Variants in GLI3 observed in about 807,000 individuals in gnomAD.
GLI3 encodes GLI family zinc finger 3.
A neutral mutation model predicts 100.8 loss-of-function variants in GLI3; 20 were observed. The observed-to-expected ratio is 0.20, with a 90% CI of 0.14 to 0.29. The LOEUF (loss-of-function observed/expected upper bound fraction) is 0.29. Among genes scored for constraint, GLI3 ranks in the 10% least tolerant of loss-of-function variants. GLI3 has a pLI of 1.00. For missense variants in GLI3, 2,040 were observed against 2,128.5 expected, an observed-to-expected ratio of 0.96 and a Z score of 0.82; for synonymous variants, 938 against 860.5, an observed-to-expected ratio of 1.09 and a Z score of -1.58.
intron 3 of GLI3, among the ~76,000 whole-genome samples, chr7:42,088,380 A>T (rs996209601): frequency 2.0e-5 from 3 of 151,856 alleles, no homozygotes; most frequent in Non-Finnish European, 2.9e-5. Context: ...AGTTCCCACT[A>T]GTGGCTTCCT....
chr7:42,192,423 C>T (rs1014964572), intron 2 of GLI3, among the ~76,000 whole-genome samples: 2 of 151,854 alleles, frequency 1.3e-5, no homozygotes, highest in Non-Finnish European at 2.9e-5. Flanking sequence ...AAATAAAATA[C>T]GTAAGAACCA....
chr7:42,181,443 A>G (rs948669321), intron 2 of GLI3, among the ~76,000 whole-genome samples: 1 of 151,986 alleles, frequency 6.6e-6, no homozygotes, highest in African/African-American at 2.4e-5. Context: ...TCTATAAAAA[A>G]ATCCAAAAAA....
At chr7:41,988,646 C>T (rs1438065928) in intron 10 of GLI3, among the ~76,000 whole-genome samples, 1 of 152,164 alleles carries the variant, frequency 6.6e-6, no homozygotes, top group African/African-American at 2.4e-5. Flanking sequence ...ACTGAATCTT[C>T]TGACGTCTTG....
chr7:42,115,946 T>C (rs1188008878), intron 3 of GLI3, among the ~76,000 whole-genome samples: 2 of 152,110 alleles, frequency 1.3e-5, no homozygotes, highest in Non-Finnish European at 2.9e-5. Flanking sequence ...TGTTGTGGGT[T>C]GTCTTGGGTT....
intron 3 of GLI3, among the ~76,000 whole-genome samples, chr7:42,087,050 A>G (rs970730904): frequency 2.0e-5 from 3 of 152,124 alleles, no homozygotes; most frequent in African/African-American, 7.2e-5. Flanking sequence ...AGGGCAGAAG[A>G]GGCCCACTTA....
At chr7:42,173,458 C>T (rs1001760110) in intron 2 of GLI3, among the ~76,000 whole-genome samples, 5 of 152,144 alleles carry the variant, frequency 3.3e-5, no homozygotes, top group African/African-American at 4.8e-5. Context: ...AACGAGGGTA[C>T]TGTCTATTTT....
chr7:42,084,898 A>ATTTTTTTTTTT, intron 3 of GLI3, among the ~76,000 whole-genome samples: 1 of 91,896 alleles, frequency 1.1e-5, no homozygotes, highest in Non-Finnish European at 2.1e-5. Context: ...ATGCATTTGG[A>ATTTTTTTTTTT]TTCTTTTTTT....
chr7:42,030,754 T>C (rs1369613927), intron 7 of GLI3, among the ~76,000 whole-genome samples: 1 of 151,444 alleles, frequency 6.6e-6, no homozygotes, highest in South Asian at 2.1e-4. Context: ...AGACTCGTTC[T>C]GTCTCCCAGG....
intron 7 of GLI3, among the ~76,000 whole-genome samples, chr7:42,031,836 T>C (rs1562694554): frequency 6.6e-6 from 1 of 152,180 alleles, no homozygotes. Flanking sequence ...TTAAAAGTGA[T>C]TAACAAACCG....
At chr7:42,218,246 G>T (rs1377512494) in intron 2 of GLI3, among the ~76,000 whole-genome samples, 2 of 151,922 alleles carry the variant, frequency 1.3e-5, no homozygotes, top group African/African-American at 4.8e-5. Flanking sequence ...TTTATGGCGT[G>T]AACTGCCTGC....
At chr7:42,182,683 C>CATGTGTGTGTGTATATATATATATATAT (rs1562775922) in intron 2 of GLI3, among the ~76,000 whole-genome samples, 5 of 54,868 alleles carry the variant, frequency 9.1e-5, no homozygotes, top group South Asian at 6.1e-4. Context: ...TATATATATA[C>CATGTGTGTGTGTATATATATATATATAT]ACATGTGTGT....
At chr7:42,231,208 C>A (rs2128705644) in intron 1 of GLI3, among the ~76,000 whole-genome samples, 1 of 152,254 alleles carries the variant, frequency 6.6e-6, no homozygotes, top group East Asian at 1.9e-4. Context: ...AGACCAATAA[C>A]CTGTTGCATG....
At chr7:42,001,943 G>C (rs1436530207) in intron 10 of GLI3, among the ~76,000 whole-genome samples, 1 of 152,064 alleles carries the variant, frequency 6.6e-6, no homozygotes, top group Non-Finnish European at 1.5e-5. Flanking sequence ...TCCACAATTA[G>C]AAATCATGCA....
At chr7:41,995,728 C>A (rs992331431) in intron 10 of GLI3, among the ~76,000 whole-genome samples, 2 of 151,820 alleles carry the variant, frequency 1.3e-5, no homozygotes, top group Admixed American at 1.3e-4. Context: ...GTGCTGTGTA[C>A]CCATTAAAAT....
intron 7 of GLI3, among the ~76,000 whole-genome samples, chr7:42,036,246 A>G (rs1472018549): frequency 6.6e-6 from 1 of 152,196 alleles, no homozygotes; most frequent in African/African-American, 2.4e-5. Context: ...ATGTAATAAT[A>G]TAACACTCAT....
chr7:42,134,080 CA>C lies in GLI3; in HGVS notation c.367+14145del, dbSNP rs11441623. 8.2e-3 allele frequency among the ~76,000 whole-genome samples: 902 copies of C among 109,370 alleles called. 7 individuals carry two copies. The highest frequency in any genetic ancestry group is 0.026 in the African/African-American group (618 of 24,024). 71.8% of individuals were successfully genotyped at this position (109,370 alleles called of 152,430 possible). A position where few individuals can be genotyped will look rare whatever the true frequency, so the allele number is the denominator to read the frequency against. On this transcript the variant is annotated intron_variant, in intron 3 of 14. Coordinates refer to ENST00000395925, the MANE Select transcript of GLI3 (RefSeq NM_000168.6). ...TGGGCAACAGAGCGAGACTCTGTCT[CA>C]AAAAAAAAAAAAAAGAAAAAAAAAT...
rs1787031726 is a variant in GLI3 at position 41,962,275 on chromosome 7, GA to G, written c.*2054del. ...TGAAAACAAGAGTTGGAAAGGGATT[GA>G]ACCAAACCATTAGAGCACACAAGAT... On this transcript the variant is annotated 3_prime_UTR_variant, in exon 15 of 15. Coordinates refer to ENST00000395925, the MANE Select transcript of GLI3 (RefSeq NM_000168.6). 1 of 152,228 alleles carries G rather than the reference GA, an allele frequency of 6.6e-6. No homozygotes were observed. Among genetic ancestry groups the G allele is most frequent in the Non-Finnish European group, 1.5e-5 (1 of 68,048 alleles). The allele number at this position is 152,228 out of a possible 1,614,324, so 9.4% of individuals were successfully genotyped here. A position where few individuals can be genotyped will look rare whatever the true frequency, so the allele number is the denominator to read the frequency against.
intron 11 of GLI3, among the ~76,000 whole-genome samples, chr7:41,978,363 A>G (rs2128712648): frequency 6.6e-6 from 1 of 152,340 alleles, no homozygotes; most frequent in African/African-American, 2.4e-5. Flanking sequence ...TGCGGCCAGC[A>G]GGGTGGCCCG....
intron 3 of GLI3, among the ~76,000 whole-genome samples, chr7:42,085,726 G>A (rs1035431960): frequency 1.1e-4 from 16 of 152,128 alleles, no homozygotes; most frequent in Admixed American, 2.0e-4. Flanking sequence ...CTTTGGAGGC[G>A]GCAACCCTGA....
Sources: allele counts gnomAD v4.1 joint callset (sites outside exome capture counted in the v4.1 genomes callset), GRCh38; gene constraint gnomAD v4.1.1; transcripts MANE v1.5; gene names NCBI Gene and HGNC (gene_info 2026-07-23, HGNC 2026-07-21).